MALRD1: variants seen among roughly 807,000 people sequenced by gnomAD.
The protein encoded by MALRD1 is MAM and LDL receptor class A domain containing 1.
A neutral mutation model predicts 242.1 loss-of-function variants in MALRD1; 247 were observed. That is an observed-to-expected ratio of 1.02 (90% confidence interval 0.92 to 1.13). The LOEUF (loss-of-function observed/expected upper bound fraction) is 1.13, where lower values mean the gene tolerates loss of function less well. Ranked by LOEUF, MALRD1 falls within the 50% of genes most tolerant of loss-of-function variation. MALRD1 has a pLI of 0.00. For synonymous variants in MALRD1, 995 were observed against 866.6 expected (o/e 1.15, Z -2.60); for missense variants, 2,989 against 2,533.1 (o/e 1.18, Z -3.86).
intron 36 of MALRD1, among the ~76,000 whole-genome samples, chr10:19,637,650 C>T (rs1840199391): frequency 6.6e-6 from 1 of 152,042 alleles, no homozygotes; most frequent in African/African-American, 2.4e-5. Context: ...AATGCCTTAG[C>T]CAACATCCAG....
chr10:19,653,951 G>A (rs1482011193), intron 36 of MALRD1, among the ~76,000 whole-genome samples: 1 of 152,140 alleles, frequency 6.6e-6, no homozygotes, highest in Non-Finnish European at 1.5e-5. Flanking sequence ...TGAAATCCAA[G>A]TGCCACTAAT....
chr10:19,716,847 G>T (rs1233555699), intron 38 of MALRD1: 1 of 152,028 alleles, frequency 6.6e-6, no homozygotes, highest in Non-Finnish European at 1.5e-5. Context: ...GAAAATATTG[G>T]TTCAGTGATT....
At chr10:19,239,489 A>C (rs900457026) in intron 18 of MALRD1, among the ~76,000 whole-genome samples, 1 of 152,144 alleles carries the variant, frequency 6.6e-6, no homozygotes. Flanking sequence ...GTGCAAAAGC[A>C]TTTTAGTTTG....
chr10:19,130,815 C>T (rs1833072780), intron 8 of MALRD1, among the ~76,000 whole-genome samples: 1 of 151,974 alleles, frequency 6.6e-6, no homozygotes, highest in African/African-American at 2.4e-5. Flanking sequence ...TAGAACCATA[C>T]AAGAAAAGAG....
intron 28 of MALRD1, among the ~76,000 whole-genome samples, chr10:19,435,928 A>C (rs1834333542): frequency 6.6e-6 from 1 of 152,132 alleles, no homozygotes; most frequent in African/African-American, 2.4e-5. Flanking sequence ...ATTTATTTAT[A>C]TTAGTATGGG....
intron 31 of MALRD1, among the ~76,000 whole-genome samples, chr10:19,500,604 A>G (rs903633621): frequency 1.3e-5 from 2 of 152,210 alleles, no homozygotes; most frequent in Non-Finnish European, 2.9e-5. Flanking sequence ...TCCTAAACCC[A>G]ATTTACAAAG....
chr10:19,583,750 G>A (rs1448787065), intron 33 of MALRD1, among the ~76,000 whole-genome samples: 2 of 151,470 alleles, frequency 1.3e-5, no homozygotes, highest in East Asian at 3.9e-4. Context: ...AAATGAGTTA[G>A]GGAGGATTCC....
chr10:19,654,862 A>G (rs1370130094), intron 36 of MALRD1, among the ~76,000 whole-genome samples: 1 of 152,184 alleles, frequency 6.6e-6, no homozygotes, highest in Non-Finnish European at 1.5e-5. Flanking sequence ...CTGGACGCTT[A>G]CATATTTATG....
At chr10:19,479,003 ATT>A (rs1836866207) in intron 29 of MALRD1, among the ~76,000 whole-genome samples, 1 of 152,216 alleles carries the variant, frequency 6.6e-6, no homozygotes, top group African/African-American at 2.4e-5. Flanking sequence ...TTTAGAATGT[ATT>A]TGGTGTTTCA....
intron 29 of MALRD1, among the ~76,000 whole-genome samples, chr10:19,485,229 A>G (rs964691708): frequency 2.6e-5 from 4 of 152,196 alleles, no homozygotes; most frequent in African/African-American, 9.6e-5. Context: ...GATGAGTGTA[A>G]TGTATGTACT....
chr10:19,531,879 T>G (rs192262033), intron 32 of MALRD1, among the ~76,000 whole-genome samples: 1 of 152,194 alleles, frequency 6.6e-6, no homozygotes, highest in South Asian at 2.1e-4. Flanking sequence ...TTTCATTGTA[T>G]CAATGAGTTT....
At chr10:19,133,213 A>G (rs1203496567) in intron 8 of MALRD1, among the ~76,000 whole-genome samples, 1 of 152,318 alleles carries the variant, frequency 6.6e-6, no homozygotes, top group East Asian at 1.9e-4. Flanking sequence ...CACTCATAGC[A>G]TGTAGTAACA....
intron 31 of MALRD1, among the ~76,000 whole-genome samples, chr10:19,502,424 T>C (rs190663657): frequency 7.0e-4 from 106 of 152,286 alleles, no homozygotes; most frequent in Middle Eastern, 3.4e-3. Context: ...AAATGTAGTG[T>C]AAATAAGTTT....
chr10:19,240,155 C>T (rs999978736), intron 18 of MALRD1, among the ~76,000 whole-genome samples: 6 of 151,986 alleles, frequency 3.9e-5, no homozygotes, highest in East Asian at 1.9e-4. Context: ...TTTTGTGTAT[C>T]GTAAATTTTT....
intron 1 of MALRD1, among the ~76,000 whole-genome samples, chr10:19,050,516 C>A (rs1183761164): frequency 6.6e-6 from 1 of 152,106 alleles, no homozygotes; most frequent in African/African-American, 2.4e-5. Context: ...GTTGCTATTA[C>A]ATTAAAACCA....
chr10:19,532,418 C>T (rs987376141), intron 32 of MALRD1, among the ~76,000 whole-genome samples: 1 of 152,062 alleles, frequency 6.6e-6, no homozygotes, highest in Non-Finnish European at 1.5e-5. Flanking sequence ...CCACGTCCAG[C>T]TAATTTTTTG....
chr10:19,070,277 C>G (rs1436555976), intron 2 of MALRD1, among the ~76,000 whole-genome samples: 1 of 152,142 alleles, frequency 6.6e-6, no homozygotes, highest in Non-Finnish European at 1.5e-5. Flanking sequence ...GCCTAGCCTA[C>G]CTGAAACTTG....
chr10:19,165,664 C>G lies in MALRD1; in HGVS notation c.1684C>G (p.His562Asp). 8.1e-7 allele frequency: 1 copy of G among 1,231,526 alleles called. No homozygotes were observed. Among genetic ancestry groups the G allele is most frequent in the Non-Finnish European group, 1.0e-6 (1 of 987,852 alleles). 76.3% of individuals were successfully genotyped at this position (1,231,526 alleles called of 1,614,324 possible). A position where few individuals can be genotyped will look rare whatever the true frequency, so the allele number is the denominator to read the frequency against. Residue 562 changes from histidine (H) to aspartate (D), a missense_variant, in exon 13 of 40, where the codon CAT becomes GAT. Transcript: ENST00000454679. The part of the protein sequence containing the change: ...QVQFWYHLSQ[H>D]SNLSVFTRTS... ...GCAGTTTTGGTATCATTTGTCTCAACATTCAAATCTCTCAGTTTTTACAAG... is the reference window on the plus strand; with the variant it reads ...GCAGTTTTGGTATCATTTGTCTCAAGATTCAAATCTCTCAGTTTTTACAAG...
chr10:19,706,345 T>A (rs548226163), intron 38 of MALRD1, among the ~76,000 whole-genome samples: 1 of 152,258 alleles, frequency 6.6e-6, no homozygotes, highest in South Asian at 2.1e-4. Flanking sequence ...AGATGGACTT[T>A]TGCTCTTTCG....
Sources: allele counts gnomAD v4.1 joint callset (sites outside exome capture counted in the v4.1 genomes callset), GRCh38; gene constraint gnomAD v4.1.1; transcripts MANE v1.5; gene names NCBI Gene and HGNC (gene_info 2026-07-23, HGNC 2026-07-21).